The following CBX1 variants were observed in gnomAD, a reference collection of about 807,000 sequenced individuals.
The protein encoded by CBX1 is chromobox protein homolog 1.
Under a neutral mutation model 25.1 loss-of-function variants are expected in CBX1, and 10 were observed. The observed-to-expected ratio is 0.40, with a 90% CI of 0.25 to 0.68. The LOEUF (loss-of-function observed/expected upper bound fraction) is 0.68, where lower values mean the gene tolerates loss of function less well. Ranked by LOEUF, CBX1 falls within the 30% of genes least tolerant of loss-of-function variation. CBX1 has a pLI of 0.40. For missense variants in CBX1, 106 were observed against 218.5 expected (o/e 0.49, Z 3.25); for synonymous variants, 63 against 79.4 (o/e 0.79, Z 1.10).
At chr17:48,075,256 G>T (rs193275317) in intron 3 of CBX1, among the ~76,000 whole-genome samples, 156 bp from the exon 4 acceptor site, 6 of 150,464 alleles carry the variant, frequency 4.0e-5, no homozygotes, top group Non-Finnish European at 7.4e-5. Context: ...GTGCAGTGGT[G>T]CGATCTCGGC....
At chr17:48,088,764 A>C (rs1480470359) in intron 1 of CBX1, 1 of 152,154 alleles carries the variant, frequency 6.6e-6, no homozygotes, top group Non-Finnish European at 1.5e-5. Context: ...ATTTTAGTAC[A>C]TGTGCTGCTT....
intron 1 of CBX1, among the ~76,000 whole-genome samples, chr17:48,079,793 A>T (rs2037714003): frequency 6.6e-6 from 1 of 152,116 alleles, no homozygotes; most frequent in Non-Finnish European, 1.5e-5. Context: ...CCTGGCCTCC[A>T]ATTTATTTCT....
At chr17:48,077,433 G>GTTTGTTTT (rs1567764327) in intron 1 of CBX1, among the ~76,000 whole-genome samples, 2 of 128,836 alleles carry the variant, frequency 1.6e-5, no homozygotes, top group African/African-American at 3.0e-5. Context: ...AATTTTTGTT[G>GTTTGTTTT]TTTTTTTTTT....
intron 1 of CBX1, among the ~76,000 whole-genome samples, chr17:48,097,410 TTCAACACC>T (rs939796311): frequency 2.7e-5 from 4 of 150,720 alleles, no homozygotes; most frequent in Non-Finnish European, 4.4e-5. Context: ...AGGTCAGGAG[TTCAACACC>T]AGCCTGGCCA....
chr17:48,101,162 C>G, intron 1 of CBX1, 106 bp downstream of exon 1: 1 of 986,706 alleles, frequency 1.0e-6, no homozygotes, highest in Non-Finnish European at 1.2e-6. Context: ...GCGCGCTCCC[C>G]GCTCCTAACC....
intron 1 of CBX1, among the ~76,000 whole-genome samples, chr17:48,094,069 G>A (rs1438850925): frequency 2.1e-5 from 3 of 139,560 alleles, no homozygotes; most frequent in Middle Eastern, 4.6e-3. Context: ...CGCCAAGATC[G>A]TGCCACTGCA....
At chr17:48,097,441 C>T (rs1055455858) in intron 1 of CBX1, among the ~76,000 whole-genome samples, 1 of 151,962 alleles carries the variant, frequency 6.6e-6, no homozygotes, top group African/African-American at 2.4e-5. Flanking sequence ...ATGGCAAGAC[C>T]CCCATCTCTA....
At chr17:48,076,242 A>G (rs1367005955) in intron 2 of CBX1, 64 bp from the exon 3 acceptor site, 2 of 1,273,674 alleles carry the variant, frequency 1.6e-6, no homozygotes, top group East Asian at 2.5e-5. Flanking sequence ...ACTAAGGATA[A>G]TCGTAAGAGG....
chr17:48,093,630 C>G (rs2063356427), intron 1 of CBX1, among the ~76,000 whole-genome samples: 1 of 152,180 alleles, frequency 6.6e-6, no homozygotes, highest in Non-Finnish European at 1.5e-5. Context: ...ATATTTTCTA[C>G]AAGGTTTCCT....
At chr17:48,084,144 T>C (rs968604938) in intron 1 of CBX1, among the ~76,000 whole-genome samples, 1 of 149,358 alleles carries the variant, frequency 6.7e-6, no homozygotes, top group Non-Finnish European at 1.5e-5. Context: ...GCTAATTTTT[T>C]CAATTTTTTC....
chr17:48,077,447 T>TTG (rs1214679488), intron 1 of CBX1, among the ~76,000 whole-genome samples: 28 of 119,368 alleles, frequency 2.3e-4, no homozygotes, highest in African/African-American at 6.6e-4. Context: ...TTTTTTTTGT[T>TTG]TTTTTTGTTT....
chr17:48,086,028 G>A (rs1056073363), intron 1 of CBX1, among the ~76,000 whole-genome samples: 2 of 152,068 alleles, frequency 1.3e-5, no homozygotes, highest in African/African-American at 4.8e-5. Flanking sequence ...CCAAAATCAC[G>A]CCACTGCACT....
At chr17:48,096,989 G>A (rs533223924) in intron 1 of CBX1, among the ~76,000 whole-genome samples, 1 of 151,878 alleles carries the variant, frequency 6.6e-6, no homozygotes, top group Admixed American at 6.6e-5. Context: ...GGTGGCTCAC[G>A]CCTGTAATCT....
At chr17:48,091,539 T>C (rs2063343969) in intron 1 of CBX1, among the ~76,000 whole-genome samples, 3 of 138,924 alleles carry the variant, frequency 2.2e-5, no homozygotes, top group Admixed American at 7.3e-5. Context: ...CATGCCCTTT[T>C]TTTTTTTTTT....
intron 1 of CBX1, among the ~76,000 whole-genome samples, chr17:48,093,682 A>G (rs1298687795): frequency 6.6e-6 from 1 of 152,222 alleles, no homozygotes; most frequent in Non-Finnish European, 1.5e-5. Context: ...TGTAACACTT[A>G]TATTCTTCGG....
intron 1 of CBX1, among the ~76,000 whole-genome samples, chr17:48,093,379 A>G (rs2063355266): frequency 6.6e-6 from 1 of 152,188 alleles, no homozygotes; most frequent in African/African-American, 2.4e-5. Context: ...CGAAATGGCA[A>G]GCATACATAA....
intron 1 of CBX1, among the ~76,000 whole-genome samples, chr17:48,077,455 T>G (rs1598304916): frequency 1.8e-5 from 2 of 112,220 alleles, no homozygotes; most frequent in African/African-American, 5.9e-5. Context: ...GTTTTTTTTG[T>G]TTTTTTTTTT....
intron 1 of CBX1, among the ~76,000 whole-genome samples, chr17:48,090,242 AG>A (rs1405114129): frequency 6.6e-6 from 1 of 152,134 alleles, no homozygotes; most frequent in Non-Finnish European, 1.5e-5. Flanking sequence ...GACCTATGTA[AG>A]TACAAAAATC....
chr17:48,082,077 C>T (rs929983563), intron 1 of CBX1, among the ~76,000 whole-genome samples: 2 of 152,006 alleles, frequency 1.3e-5, no homozygotes, highest in Non-Finnish European at 2.9e-5. Flanking sequence ...GTAGTGAGAC[C>T]CCATCTCTAC....
Sources: allele counts gnomAD v4.1 joint callset (sites outside exome capture counted in the v4.1 genomes callset), GRCh38; gene constraint gnomAD v4.1.1; transcripts MANE v1.5; gene names NCBI Gene and HGNC (gene_info 2026-07-23, HGNC 2026-07-21).